The following CADPS2 variants were observed in gnomAD, a reference collection of about 807,000 sequenced individuals.
The protein encoded by CADPS2 is calcium-dependent secretion activator 2.
A neutral mutation model predicts 172.5 loss-of-function variants in CADPS2; 93 were observed. That is an observed-to-expected ratio of 0.54 (90% CI 0.46 to 0.64). The LOEUF is 0.64. Ranked by LOEUF, CADPS2 falls within the 30% of genes least tolerant of loss-of-function variation. The pLI is 0.00. For synonymous variants in CADPS2, 546 were observed against 555.2 expected (o/e 0.98, Z 0.23); for missense variants, 1,420 against 1,565.9 (o/e 0.91, Z 1.57).
intron 27 of CADPS2, among the ~76,000 whole-genome samples, chr7:122,358,405 C>A (rs2039699642): frequency 6.6e-6 from 1 of 151,898 alleles, no homozygotes; most frequent in Admixed American, 6.6e-5. Context: ...ATAGTTCTTC[C>A]CATTTGTGGC....
At chr7:122,633,193 T>C (rs1587991866) in intron 3 of CADPS2, among the ~76,000 whole-genome samples, 2 of 152,276 alleles carry the variant, frequency 1.3e-5, no homozygotes, top group African/African-American at 4.8e-5. Flanking sequence ...TTAGGTTCCA[T>C]GTGAATTTTA....
rs748490473 is a variant in CADPS2 at position 122,442,867 on chromosome 7, G to A, written c.2289-1292C>T. ...TCTTAATCTTGCTGCTACATACTCC[G>A]CTACTCTCCACCCACACGCACAAGA... On this transcript the variant is annotated intron_variant, in intron 15 of 29. Coordinates refer to ENST00000449022, the MANE Select transcript of CADPS2 (RefSeq NM_017954.11). Among the ~76,000 whole-genome samples the A allele has an allele frequency of 5.3e-5, 8 of 151,716 alleles. No homozygotes were observed. In the South Asian group the frequency reaches 6.2e-4, roughly 12 times the overall value.
intron 3 of CADPS2, among the ~76,000 whole-genome samples, chr7:122,657,991 C>G (rs1032012884): frequency 1.3e-5 from 2 of 152,130 alleles, no homozygotes; most frequent in East Asian, 3.9e-4. Context: ...ATCTACTCAT[C>G]TGATAAAGGG....
chr7:122,573,708 A>G (rs2067579034), intron 7 of CADPS2, among the ~76,000 whole-genome samples: 1 of 152,192 alleles, frequency 6.6e-6, no homozygotes. Flanking sequence ...CCAGGAATAT[A>G]TTACACAGTA....
chr7:122,623,734 G>A (rs1041376023), intron 4 of CADPS2, among the ~76,000 whole-genome samples: 1 of 152,126 alleles, frequency 6.6e-6, no homozygotes, highest in African/African-American at 2.4e-5. Context: ...ATTATGCGTT[G>A]AATAAAATCT....
At chr7:122,587,432 A>G (rs1446435950) in intron 6 of CADPS2, among the ~76,000 whole-genome samples, 1 of 152,108 alleles carries the variant, frequency 6.6e-6, no homozygotes, top group Non-Finnish European at 1.5e-5. Flanking sequence ...ATGTCCCTGC[A>G]AAGGACATGA....
intron 3 of CADPS2, 33 bp downstream of exon 3, chr7:122,663,203 GA>G: frequency 6.9e-7 from 1 of 1,446,946 alleles, no homozygotes; most frequent in Non-Finnish European, 9.6e-7. Flanking sequence ...CCACGAGTCA[GA>G]CAGGGGAAGG....
At chr7:122,556,346 C>T (rs760303579) in intron 7 of CADPS2, among the ~76,000 whole-genome samples, 3 of 152,050 alleles carry the variant, frequency 2.0e-5, no homozygotes, top group Non-Finnish European at 4.4e-5. Context: ...GCTATAGCTG[C>T]TATTTTCCTA....
chr7:122,672,513 C>T (rs2081965861), intron 2 of CADPS2, among the ~76,000 whole-genome samples: 1 of 152,244 alleles, frequency 6.6e-6, no homozygotes, highest in African/African-American at 2.4e-5. Flanking sequence ...CTAGTACCCT[C>T]TCCAATATCA....
At chr7:122,763,972 T>G (rs966048164) in intron 1 of CADPS2, among the ~76,000 whole-genome samples, 1 of 152,148 alleles carries the variant, frequency 6.6e-6, no homozygotes, top group Non-Finnish European at 1.5e-5. Context: ...GTGTATAAAT[T>G]CAACTTGGCT....
At chr7:122,398,150 A>G (rs1372556569) in intron 20 of CADPS2, among the ~76,000 whole-genome samples, 1 of 152,220 alleles carries the variant, frequency 6.6e-6, no homozygotes, top group African/African-American at 2.4e-5. Flanking sequence ...TTATTTTCAT[A>G]TGAAAAAGCC....
At chr7:122,739,872 G>A (rs1326860894) in intron 1 of CADPS2, among the ~76,000 whole-genome samples, 3 of 152,054 alleles carry the variant, frequency 2.0e-5, no homozygotes, top group Admixed American at 1.3e-4. Context: ...GGAACAGATC[G>A]AAGAAACAGA....
At chr7:122,473,424 A>G (rs1007947082) in intron 13 of CADPS2, among the ~76,000 whole-genome samples, 1 of 152,206 alleles carries the variant, frequency 6.6e-6, no homozygotes, top group Non-Finnish European at 1.5e-5. Context: ...TAATTAGGCT[A>G]AGGTTTTTCT....
chr7:122,753,938 T>C (rs2093055233), intron 1 of CADPS2, among the ~76,000 whole-genome samples: 1 of 152,168 alleles, frequency 6.6e-6, no homozygotes. Flanking sequence ...AACAGTTGAA[T>C]TTTAACATTA....
chr7:122,603,532 A>C (rs1053144530), intron 6 of CADPS2, among the ~76,000 whole-genome samples: 1 of 152,068 alleles, frequency 6.6e-6, no homozygotes. Flanking sequence ...CCTGAAGAAT[A>C]TAACGATTGG....
chr7:122,473,168 T>C (rs935646557), intron 13 of CADPS2, among the ~76,000 whole-genome samples: 6 of 152,218 alleles, frequency 3.9e-5, no homozygotes, highest in Admixed American at 2.6e-4. Flanking sequence ...AGTCTACTAC[T>C]GTGCCAATAA....
At chr7:122,657,090 G>C (rs146358537) in intron 3 of CADPS2, among the ~76,000 whole-genome samples, 4,183 of 152,118 alleles carry the variant, frequency 0.027, 86 homozygotes, top group South Asian at 0.094. Flanking sequence ...TCTTGTTTTT[G>C]TCAGGTTTGT....
chr7:122,746,743 G>T (rs73719762), intron 1 of CADPS2, among the ~76,000 whole-genome samples: 2,504 of 152,176 alleles, frequency 0.016, 66 homozygotes, highest in African/African-American at 0.057. Context: ...GGCCAGACAA[G>T]CTTGCTCTAT....
At chr7:122,610,925 G>T (rs2074217091) in intron 6 of CADPS2, among the ~76,000 whole-genome samples, 1 of 152,122 alleles carries the variant, frequency 6.6e-6, no homozygotes, top group Non-Finnish European at 1.5e-5. Flanking sequence ...GGTAGGACCT[G>T]GGGCTTGTAT....
Sources: gnomAD v4.1 joint callset for allele counts (sites outside exome capture counted in the v4.1 genomes callset) on GRCh38, gnomAD v4.1.1 for gene constraint, MANE v1.5 for transcripts, NCBI Gene and HGNC (gene_info 2026-07-23, HGNC 2026-07-21) for gene names.